The following FNDC3B variants were observed in gnomAD, a reference collection of about 807,000 sequenced individuals.
FNDC3B encodes the protein fibronectin type III domain-containing protein 3B.
In FNDC3B, 12 loss-of-function variants were observed where a neutral mutation model predicts 151.5. The ratio of observed to expected loss-of-function variants is 0.08; its 90% CI spans 0.05 to 0.13. FNDC3B has a LOEUF of 0.13. FNDC3B is among the 10% of genes least tolerant of loss of function. FNDC3B has a pLI of 1.00. For missense variants in FNDC3B, 1,214 were observed against 1,505.3 expected (o/e 0.81, Z 3.20); for synonymous variants, 528 against 549.0 (o/e 0.96, Z 0.54).
At chr3:172,150,564 C>A (rs1722168078) in intron 3 of FNDC3B, among the ~76,000 whole-genome samples, 1 of 151,778 alleles carries the variant, frequency 6.6e-6, no homozygotes. Flanking sequence ...TATTTGGTGT[C>A]ATTTTGTCAA....
chr3:172,085,617 G>A (rs1718514342), intron 1 of FNDC3B, among the ~76,000 whole-genome samples: 1 of 152,134 alleles, frequency 6.6e-6, no homozygotes, highest in Admixed American at 6.5e-5. Context: ...TGCCTCCATG[G>A]CCCTTGTTAG....
At chr3:172,208,704 T>A (rs905532554) in intron 3 of FNDC3B, among the ~76,000 whole-genome samples, 1 of 123,984 alleles carries the variant, frequency 8.1e-6, no homozygotes, top group Non-Finnish European at 1.7e-5. Context: ...TCGTGCCTTC[T>A]GGGCTTCTTC....
intron 2 of FNDC3B, chr3:172,126,847 T>C: frequency 3.4e-6 from 1 of 293,382 alleles, no homozygotes; most frequent in South Asian, 3.1e-5. Context: ...TTTGTTATGA[T>C]AATCTTAATT....
intron 22 of FNDC3B, among the ~76,000 whole-genome samples, chr3:172,362,383 T>TA (rs201616250): frequency 0.019 from 2,865 of 152,122 alleles, 55 homozygotes; most frequent in Non-Finnish European, 0.026. Flanking sequence ...CTATTTTTTT[T>TA]AAATTAAAGA....
intron 3 of FNDC3B, chr3:172,187,370 A>G (rs944215154): frequency 2.6e-5 from 4 of 152,190 alleles, no homozygotes; most frequent in Admixed American, 6.6e-5. Flanking sequence ...TGTATTGACC[A>G]TGGCTGAACT....
chr3:172,193,812 A>G (rs1724684471), intron 3 of FNDC3B, among the ~76,000 whole-genome samples: 2 of 152,208 alleles, frequency 1.3e-5, no homozygotes, highest in Admixed American at 1.3e-4. Context: ...AAGCTTTTCA[A>G]AAATAACATC....
At chr3:172,083,747 GTCT>G (rs1447546072) in intron 1 of FNDC3B, among the ~76,000 whole-genome samples, 6 of 152,082 alleles carry the variant, frequency 3.9e-5, no homozygotes, top group Admixed American at 2.6e-4. Context: ...GTATATTGAC[GTCT>G]TCTTACGATT....
chr3:172,146,702 G>A (rs371570732), intron 3 of FNDC3B, among the ~76,000 whole-genome samples: 1 of 152,158 alleles, frequency 6.6e-6, no homozygotes, highest in African/African-American at 2.4e-5. Context: ...TGGCAGTTTT[G>A]TAAAGTGTCT....
intron 3 of FNDC3B, among the ~76,000 whole-genome samples, chr3:172,201,177 G>A (rs991394170): frequency 2.0e-5 from 3 of 152,134 alleles, no homozygotes; most frequent in Admixed American, 6.5e-5. Context: ...TGGCTCCTAC[G>A]GTGAAGTTCT....
intron 3 of FNDC3B, among the ~76,000 whole-genome samples, chr3:172,157,796 C>G (rs1722569713): frequency 1.3e-5 from 2 of 152,152 alleles, no homozygotes; most frequent in Non-Finnish European, 2.9e-5. Context: ...TTTGATAGTT[C>G]TGGCTTTGCT....
At chr3:172,210,216 C>T (rs1270016421) in intron 3 of FNDC3B, among the ~76,000 whole-genome samples, 1 of 152,194 alleles carries the variant, frequency 6.6e-6, no homozygotes, top group African/African-American at 2.4e-5. Flanking sequence ...AGCCGCCCCC[C>T]ACTCCTCCAT....
At chr3:172,229,405 A>G (rs180675191) in intron 4 of FNDC3B, among the ~76,000 whole-genome samples, 137 of 152,232 alleles carry the variant, frequency 9.0e-4, no homozygotes, top group African/African-American at 3.1e-3. Flanking sequence ...TTCCCTAGAT[A>G]CCTTGGGCCT....
At chr3:172,359,188 A>G (rs150407616) in intron 22 of FNDC3B, among the ~76,000 whole-genome samples, 1 of 152,304 alleles carries the variant, frequency 6.6e-6, no homozygotes, top group East Asian at 1.9e-4. Context: ...AATCAAATCT[A>G]AATTTTTTTT....
intron 3 of FNDC3B, among the ~76,000 whole-genome samples, chr3:172,171,880 A>C (rs1723302976): frequency 6.6e-6 from 1 of 152,198 alleles, no homozygotes; most frequent in Admixed American, 6.5e-5. Flanking sequence ...GTACTTTAGC[A>C]CCACTGTCCT....
chr3:172,084,185 A>G (rs1270051939), intron 1 of FNDC3B, among the ~76,000 whole-genome samples: 1 of 152,086 alleles, frequency 6.6e-6, no homozygotes, highest in Non-Finnish European at 1.5e-5. Flanking sequence ...GCCGTGGCTC[A>G]CGTCTTTAAT....
chr3:172,309,592 C>T (rs530422519), intron 10 of FNDC3B, among the ~76,000 whole-genome samples: 2 of 152,174 alleles, frequency 1.3e-5, no homozygotes, highest in East Asian at 1.9e-4. Context: ...AGAGCACTCA[C>T]CTGAGATCCG....
chr3:172,310,660 A>G (rs1008259585), intron 10 of FNDC3B, among the ~76,000 whole-genome samples, 168 bp from the exon 11 acceptor site: 2 of 152,238 alleles, frequency 1.3e-5, no homozygotes, highest in African/African-American at 2.4e-5. Context: ...AGGTATGTCA[A>G]AGTTAGTGTA....
In FNDC3B at chr3:172,208,446, C is replaced by T. The variant is rs1301363187; in HGVS notation, c.188-18425C>T. Among the ~76,000 whole-genome samples the T allele has an allele frequency of 4.6e-5, 7 of 152,100 alleles. No homozygotes were observed. In the East Asian group the frequency reaches 7.7e-4, roughly 17 times the overall value. ...AGCAGGTTAGGGGGCATGAGTATAT[C>T]GAGAACAAATGGAGAAGACCGAATG... is the stretch of plus-strand genomic sequence containing the variant. On this transcript the variant is annotated intron_variant, in intron 3 of 25. Transcript: ENST00000415807.
chr3:172,313,942 T>TG (rs1576901683), intron 11 of FNDC3B, among the ~76,000 whole-genome samples: 1 of 135,528 alleles, frequency 7.4e-6, no homozygotes, highest in East Asian at 1.9e-4. Flanking sequence ...GTAGCTCACT[T>TG]GGGTTGGTCT....
Sources: gnomAD v4.1 joint callset for allele counts (sites outside exome capture counted in the v4.1 genomes callset) on GRCh38, gnomAD v4.1.1 for gene constraint, MANE v1.5 for transcripts, NCBI Gene and HGNC (gene_info 2026-07-23, HGNC 2026-07-21) for gene names.